FAT4: variants seen among roughly 807,000 people sequenced by gnomAD.
FAT4 encodes the protein protocadherin Fat 4.
FAT4 carries 84 observed loss-of-function variants against 303.9 expected under a neutral mutation model. The observed-to-expected ratio is 0.28, with a 90% CI of 0.23 to 0.33. The LOEUF is 0.33. Among genes scored for constraint, FAT4 ranks in the 10% least tolerant of loss-of-function variants. The pLI is 1.00. For missense variants in FAT4, 6,005 were observed against 6,146.8 expected, an observed-to-expected ratio of 0.98 and a Z score of 0.77; for synonymous variants, 2,307 against 2,298.8, an observed-to-expected ratio of 1.00 and a Z score of -0.10.
At position 125,448,943 on chromosome 4, in the gene FAT4, G is replaced by A. The variant is rs1446709396; in HGVS notation, c.7933G>A (p.Asp2645Asn). 1 of 1,613,562 alleles carries A rather than the reference G, an allele frequency of 6.2e-7. No homozygotes were observed. Among genetic ancestry groups the A allele is most frequent in the Non-Finnish European group, 8.5e-7 (1 of 1,179,912 alleles). ...QKYVVWIEAR[D>N]GGFPPFSSYE... The stretch of plus-strand genomic sequence containing the variant: ...ATATGTTGTATGGATAGAGGCCAGA[G>A]ACGGTGGTTTCCCTCCTTTCTCCTC... Residue 2645 changes from aspartate to asparagine, a missense_variant, in exon 10 of 18, where the codon GAC becomes AAC. Coordinates refer to ENST00000394329, the MANE Select transcript of FAT4 (RefSeq NM_001291303.3).
At position 125,452,133 on chromosome 4, in the gene FAT4, A is replaced by G. The variant is rs1306732072; in HGVS notation, c.11123A>G (p.Asn3708Ser). The change falls in exon 10 of 18, where the codon AAT becomes AGT. Residue 3708 changes from asparagine (N) to serine (S), a missense_variant. By Grantham distance (46) the Asn-to-Ser change is conservative. Coordinates refer to ENST00000394329, the MANE Select transcript of FAT4 (RefSeq NM_001291303.3). ...NIRVFFAGFSNATVDNSILLR... is the reference protein window; with the variant it reads ...NIRVFFAGFSSATVDNSILLR... Reference sequence around the variant, plus strand: ...CGAGTTTTCTTTGCTGGATTTTCCAATGCCACAGTGGATAACAGCATCTTA... The same window carrying G: ...CGAGTTTTCTTTGCTGGATTTTCCAGTGCCACAGTGGATAACAGCATCTTA... 32 of 1,614,088 alleles carry G rather than the reference A, an allele frequency of 2.0e-5. No individual in the cohort carries two copies. Among genetic ancestry groups the G allele is most frequent in the Non-Finnish European group, 2.5e-5 (29 of 1,180,040 alleles).
intron 2 of FAT4, among the ~76,000 whole-genome samples, chr4:125,336,315 T>A (rs1476903193): frequency 6.6e-6 from 1 of 152,050 alleles, no homozygotes; most frequent in Admixed American, 6.6e-5. Context: ...GATTTTGCAT[T>A]TATTTATTTT....
rs1005639592 is a variant in FAT4, at chr4:125,443,907, A to G, written c.7200-2386A>G. On this transcript the variant is annotated intron_variant, in intron 8 of 17. Transcript: ENST00000394329. ...GTACAGAGCTTATTGTGTTTCTTCT[A>G]TTTTTAAAATTAGAAGTATAAATTT... 3.3e-5 allele frequency among the ~76,000 whole-genome samples: 5 copies of G among 152,246 alleles called. No individual in the cohort carries two copies. In the South Asian group the frequency reaches 1.0e-3, roughly 32 times the overall value.
chr4:125,452,501 A>G lies in FAT4; in HGVS notation c.11491A>G (p.Ser3831Gly). ...ATTGGCTGTGAGCTCCGTATTAAAA[A>G]GCCGTGAGAGTCTTCCAGTCATCAT... ...RRLAVSSVLK[S>G]RESLPVIIVA... The change falls in exon 10 of 18, where the codon AGC (serine) becomes GGC (glycine). Residue 3831 changes from serine (S) to glycine (G), a missense_variant. By Grantham distance (56) the Ser-to-Gly change is moderately conservative. Coordinates refer to ENST00000394329, the MANE Select transcript of FAT4 (RefSeq NM_001291303.3). 6.2e-7 allele frequency: 1 copy of G among 1,614,088 alleles called. No homozygotes were observed. The highest frequency in any genetic ancestry group is 8.5e-7 in the Non-Finnish European group (1 of 1,180,042).
Position 125,452,163 on chromosome 4 carries a change from G to T in FAT4, c.11153G>T (p.Arg3718Leu). ...NATVDNSILL[R>L]LGVPTVKDFL... The stretch of plus-strand genomic sequence containing the variant: ...ACAGTGGATAACAGCATCTTACTTC[G>T]TCTCGGCGTACCAACAGTAAAGGAC... The change falls in exon 10 of 18, where the codon CGT (arginine) becomes CTT (leucine). Residue 3718 changes from arginine to leucine, a missense_variant. Transcript: ENST00000394329. The T allele has an allele frequency of 6.2e-7, 1 of 1,614,146 alleles. No individual in the cohort carries two copies. The highest frequency in any genetic ancestry group is 1.1e-5 in the South Asian group (1 of 91,080).
At chr4:125,468,303 C>T (rs1243282777) in intron 11 of FAT4, among the ~76,000 whole-genome samples, 7 of 152,032 alleles carry the variant, frequency 4.6e-5, no homozygotes, top group South Asian at 2.1e-4. Flanking sequence ...AAAATAATTA[C>T]ATCAGTTAAT....
At chr4:125,440,602 T>TGAGA (rs1341932028) in intron 8 of FAT4, among the ~76,000 whole-genome samples, 1 of 57,274 alleles carries the variant, frequency 1.7e-5, no homozygotes, top group African/African-American at 7.5e-5. Context: ...TGTGTGTGTG[T>TGAGA]GTGTGTGTGA....
At chr4:125,398,022 C>G (rs1734247210) in intron 2 of FAT4, among the ~76,000 whole-genome samples, 1 of 152,100 alleles carries the variant, frequency 6.6e-6, no homozygotes, top group Non-Finnish European at 1.5e-5. Context: ...AGAACTTGAG[C>G]TATTAGCACC....
At chr4:125,429,130 C>T (rs984790769) in intron 7 of FAT4, among the ~76,000 whole-genome samples, 1 of 152,156 alleles carries the variant, frequency 6.6e-6, no homozygotes, top group Non-Finnish European at 1.5e-5. Context: ...ATCTGCAAAA[C>T]TTTGACCTTT....
intron 7 of FAT4, among the ~76,000 whole-genome samples, chr4:125,431,127 A>T (rs1725269435): frequency 6.6e-6 from 1 of 152,244 alleles, no homozygotes; most frequent in Non-Finnish European, 1.5e-5. Context: ...TGAGTCAGTC[A>T]TAATTTAATG....
At position 125,449,956 on chromosome 4, in the gene FAT4, A is replaced by G. The variant is rs990566160; in HGVS notation, c.8946A>G (p.Ala2982=). 6.2e-7 allele frequency: 1 copy of G among 1,613,840 alleles called. No homozygotes were observed. Residue 2982 remains alanine, a synonymous_variant, in exon 10 of 18, where the codon GCA becomes GCG. Transcript: ENST00000394329. Reference sequence around the variant, plus strand: ...ATATAGTGGACAGTAATGACAATGCACCTCAATTTCTTAAAAGTAAATATT... The same window carrying G: ...ATATAGTGGACAGTAATGACAATGCGCCTCAATTTCTTAAAAGTAAATATT... ...TINIVDSNDN[A]PQFLKSKYFT...
At chr4:125,382,455 T>G (rs1588318) in intron 2 of FAT4, among the ~76,000 whole-genome samples, 144,819 of 152,258 alleles carry the variant, frequency 0.95, 69,274 homozygotes, top group East Asian at 1. Flanking sequence ...ATTTTGAAAA[T>G]AATCTTTTTT....
chr4:125,418,504 G>A (rs538234279), intron 7 of FAT4, among the ~76,000 whole-genome samples: 1 of 152,106 alleles, frequency 6.6e-6, no homozygotes, highest in African/African-American at 2.4e-5. Context: ...TACAACCACA[G>A]TATCATATGT....
In FAT4 at chr4:125,362,443, G is replaced by C. The variant is rs1427698701; in HGVS notation, c.5176-36341G>C. ...TGATGACATGAGTAGGTAATATTTT[G>C]AGAAGTTTGGTGGTATGATATTAGA... On this transcript the variant is annotated intron_variant, in intron 2 of 17. Transcript: ENST00000394329. Among the ~76,000 whole-genome samples, 4 of 152,102 alleles carry C rather than the reference G, an allele frequency of 2.6e-5. No individual in the cohort carries two copies. The East Asian group carries it at 7.7e-4, about 29-fold the overall frequency.
At chr4:125,382,006 C>G (rs969898853) in intron 2 of FAT4, among the ~76,000 whole-genome samples, 1 of 152,172 alleles carries the variant, frequency 6.6e-6, no homozygotes, top group African/African-American at 2.4e-5. Flanking sequence ...TGTGGAAATT[C>G]AGTCACATCT....
intron 2 of FAT4, among the ~76,000 whole-genome samples, chr4:125,357,776 C>T (rs1279595595): frequency 1.3e-5 from 2 of 152,040 alleles, no homozygotes; most frequent in East Asian, 1.9e-4. Context: ...GGGCTCAGAC[C>T]TTCCTCCTAG....
intron 8 of FAT4, among the ~76,000 whole-genome samples, chr4:125,437,740 T>C (rs1725509198): frequency 6.6e-6 from 1 of 152,216 alleles, no homozygotes; most frequent in Admixed American, 6.5e-5. Context: ...CCAAAGTCTT[T>C]AGCTTAACAT....
chr4:125,406,224 GT>G (rs1311802668), intron 3 of FAT4, among the ~76,000 whole-genome samples: 1 of 152,048 alleles, frequency 6.6e-6, no homozygotes, highest in Non-Finnish European at 1.5e-5. Flanking sequence ...TGGATATCCA[GT>G]TTTCCCAACA....
At chr4:125,348,925 A>G (rs1266779443) in intron 2 of FAT4, among the ~76,000 whole-genome samples, 1 of 151,810 alleles carries the variant, frequency 6.6e-6, no homozygotes, top group Non-Finnish European at 1.5e-5. Context: ...CTGAAAATAG[A>G]AGTTAGTTTT....
Sources: allele counts gnomAD v4.1 joint callset (sites outside exome capture counted in the v4.1 genomes callset), GRCh38; gene constraint gnomAD v4.1.1; transcripts MANE v1.5; gene names NCBI Gene and HGNC (gene_info 2026-07-23, HGNC 2026-07-21).